Variants in FRMD7 observed in about 807,000 individuals in gnomAD.
The protein encoded by FRMD7 is FERM domain containing 7.
A neutral mutation model predicts 44.1 loss-of-function variants in FRMD7; 14 were observed. The observed-to-expected ratio is 0.32, with a 90% CI of 0.21 to 0.50. The LOEUF (loss-of-function observed/expected upper bound fraction) is 0.50. Ranked by LOEUF, FRMD7 falls within the 20% of genes least tolerant of loss-of-function variation. The pLI, the probability that FRMD7 is intolerant of heterozygous loss-of-function variation, is 0.99. For missense variants in FRMD7, 501 were observed against 522.3 expected (o/e 0.96, Z 0.40); for synonymous variants, 212 against 187.4 (o/e 1.13, Z -1.07).
In FRMD7 at chrX:132,078,276, T is replaced by C. The variant is rs148279797; in HGVS notation, c.1741A>G (p.Asn581Asp). Reference sequence around the variant, plus strand: ...CTTTTAGGGGTTTGCTCTTGAATGTTACATACAAATGCATCTTCCAAATTT... The same window carrying C: ...CTTTTAGGGGTTTGCTCTTGAATGTCACATACAAATGCATCTTCCAAATTT... ...DPNLEDAFVC[N>D]IQEQTPKRSQ... is the part of the protein sequence containing the mutation. Residue 581 changes from asparagine to aspartate, a missense_variant, in exon 12 of 12, where the codon AAC becomes GAC. Coordinates refer to ENST00000298542, the MANE Select transcript of FRMD7 (RefSeq NM_194277.3). The C allele has an allele frequency of 9.1e-6, 11 of 1,209,645 alleles. No homozygotes were observed. The African/African-American group carries it at 1.9e-4, about 21-fold the overall frequency.
chrX:132,113,739 A>G (rs188919156), intron 1 of FRMD7, among the ~76,000 whole-genome samples: 1 of 111,618 alleles, frequency 9.0e-6, no homozygotes, highest in East Asian at 2.8e-4. Context: ...ATCATGGACA[A>G]TAGGGTATCC....
intron 11 of FRMD7, 66 bp from the exon 12 acceptor site, chrX:132,079,032 C>A (rs770491140): frequency 2.2e-6 from 2 of 919,903 alleles, no homozygotes; most frequent in Non-Finnish European, 3.1e-6. Flanking sequence ...GGGGAGGGAT[C>A]TAAATTAGCC....
At position 132,126,933 on chromosome X, in the gene FRMD7, T is replaced by A. The variant is rs1404372901; in HGVS notation, c.57+855A>T. Among the ~76,000 whole-genome samples the A allele has an allele frequency of 2.7e-5, 3 of 112,116 alleles. No homozygotes were observed. In the South Asian group the frequency reaches 1.1e-3, roughly 41 times the overall value. On this transcript the variant is annotated intron_variant, in intron 1 of 11. Coordinates refer to ENST00000298542, the MANE Select transcript of FRMD7 (RefSeq NM_194277.3). ...AAATGGGCTACCCACACACACAACA[T>A]CATGGCTGAGCCACAGCAGTTGTCA...
In FRMD7 at chrX:132,077,809, C is replaced by T; in HGVS notation, c.*63G>A. 1 of 1,204,971 alleles carries T rather than the reference C, an allele frequency of 8.3e-7. No homozygotes were observed. Among genetic ancestry groups the T allele is most frequent in the Non-Finnish European group, 1.1e-6 (1 of 891,909 alleles). On this transcript the variant is annotated 3_prime_UTR_variant, in exon 12 of 12. Coordinates refer to ENST00000298542, the MANE Select transcript of FRMD7 (RefSeq NM_194277.3). Reference sequence around the variant, plus strand: ...ACCAAGAAAATGGTTTCTACAACTTCATTATTTTCTGCCTAAGTCGGTAAC... The same window carrying T: ...ACCAAGAAAATGGTTTCTACAACTTTATTATTTTCTGCCTAAGTCGGTAAC...
intron 1 of FRMD7, among the ~76,000 whole-genome samples, chrX:132,109,539 C>T (rs1424950763): frequency 9.0e-6 from 1 of 111,679 alleles, no homozygotes; most frequent in Admixed American, 9.5e-5. Context: ...CTCTGTGCCA[C>T]ATACTCTCCT....
At chrX:132,109,468 A>G (rs935655610) in intron 1 of FRMD7, among the ~76,000 whole-genome samples, 3 of 111,415 alleles carry the variant, frequency 2.7e-5, no homozygotes, top group Non-Finnish European at 3.8e-5. Context: ...TGTGTATGCC[A>G]TTACCCTTTT....
At chrX:132,100,814 T>A (rs1602820102) in intron 1 of FRMD7, 98 bp from the exon 2 acceptor site, 1 of 621,731 alleles carries the variant, frequency 1.6e-6, no homozygotes, top group East Asian at 3.4e-5. Context: ...CTGCAAGCCC[T>A]GTTTCCTTTA....
At chrX:132,083,797 A>G (rs1927897532) in intron 8 of FRMD7, among the ~76,000 whole-genome samples, 1 of 111,539 alleles carries the variant, frequency 9.0e-6, no homozygotes, top group African/African-American at 3.3e-5. Flanking sequence ...TTGTCTCTAC[A>G]AAATATGTTT....
intron 5 of FRMD7, among the ~76,000 whole-genome samples, chrX:132,087,394 G>GT (rs913084073): frequency 2.7e-5 from 3 of 110,636 alleles, no homozygotes; most frequent in Non-Finnish European, 5.7e-5. Flanking sequence ...CTGGAGGGCT[G>GT]TTTTTTTTCT....
intron 5 of FRMD7, among the ~76,000 whole-genome samples, chrX:132,086,345 ATATGATCT>A (rs1927990907): frequency 9.0e-6 from 1 of 111,555 alleles, no homozygotes; most frequent in Admixed American, 9.5e-5. Flanking sequence ...CATATTGTAT[ATATGATCT>A]CTCTTACTTT....
At chrX:132,087,063 T>A (rs1051566844) in intron 5 of FRMD7, among the ~76,000 whole-genome samples, 35 of 112,337 alleles carry the variant, frequency 3.1e-4, no homozygotes, top group African/African-American at 1.0e-3. Context: ...TACAAAGGCA[T>A]TTAGGACTAT....
At chrX:132,120,285 AATTCAGAGGAATC>A (rs1458072089) in intron 1 of FRMD7, among the ~76,000 whole-genome samples, 28 of 112,679 alleles carry the variant, frequency 2.5e-4, no homozygotes, top group African/African-American at 8.1e-4. Flanking sequence ...ACTCCTATAG[AATTCAGAGGAATC>A]ATCTCTGGCG....
In FRMD7 at chrX:132,077,660, G is replaced by T. The variant is rs1478012853; in HGVS notation, c.*212C>A. On this transcript the variant is annotated 3_prime_UTR_variant, in exon 12 of 12. Transcript: ENST00000298542. ...TTGCCACAGTGCTGGTGAGGAGAGG[G>T]CATGTTCTAAAGTCCCTTCAGAGGT... 5 of 475,769 alleles carry T rather than the reference G, an allele frequency of 1.1e-5. No individual in the cohort carries two copies. The highest frequency in any genetic ancestry group is 1.7e-5 in the Non-Finnish European group (5 of 286,076). The allele number at this position is 475,769 out of a possible 1,213,427, so 39.2% of individuals were successfully genotyped here.
At chrX:132,113,946 A>C (rs1602833812) in intron 1 of FRMD7, among the ~76,000 whole-genome samples, 3 of 67,607 alleles carry the variant, frequency 4.4e-5, no homozygotes, top group East Asian at 6.0e-4. Flanking sequence ...ACCCCCCACT[A>C]CTCTTCCTAG....
intron 5 of FRMD7, among the ~76,000 whole-genome samples, chrX:132,093,172 C>T (rs990738543): frequency 9.0e-6 from 1 of 111,708 alleles, no homozygotes; most frequent in Non-Finnish European, 1.9e-5. Context: ...CAGACACTGT[C>T]CCTATCTAAG....
intron 8 of FRMD7, among the ~76,000 whole-genome samples, chrX:132,083,205 C>T (rs1162408096): frequency 8.9e-6 from 1 of 111,986 alleles, no homozygotes; most frequent in Non-Finnish European, 1.9e-5. Context: ...ATCCTTCCAC[C>T]TCAACCTCTT....
intron 8 of FRMD7, among the ~76,000 whole-genome samples, chrX:132,083,521 A>T (rs757128456): frequency 9.2e-4 from 103 of 111,399 alleles, no homozygotes; most frequent in Non-Finnish European, 1.8e-3. Context: ...GCTCTCCATG[A>T]GCTTCACACT....
intron 1 of FRMD7, among the ~76,000 whole-genome samples, chrX:132,112,461 C>T: frequency 8.9e-6 from 1 of 111,831 alleles, no homozygotes; most frequent in East Asian, 2.8e-4. Flanking sequence ...GAGGGAAGCA[C>T]AGTTTGACTG....
At chrX:132,109,811 G>A (rs191762250) in intron 1 of FRMD7, among the ~76,000 whole-genome samples, 62 of 111,855 alleles carry the variant, frequency 5.5e-4, no homozygotes, top group African/African-American at 2.0e-3. Context: ...GAAAGAAGAA[G>A]AGTGTTAGAG....
Sources: allele counts gnomAD v4.1 joint callset (sites outside exome capture counted in the v4.1 genomes callset), GRCh38; gene constraint gnomAD v4.1.1; transcripts MANE v1.5; gene names NCBI Gene and HGNC (gene_info 2026-07-23, HGNC 2026-07-21).